Variants in UGT1A4 observed in about 807,000 individuals in gnomAD.
The protein encoded by UGT1A4 is UDP glucuronosyltransferase family 1 member A4, also known as UDP-glucuronosyltransferase 1A4.
A neutral mutation model predicts 41.1 loss-of-function variants in UGT1A4; 32 were observed. The ratio of observed to expected loss-of-function variants is 0.78; its 90% CI spans 0.59 to 1.05. UGT1A4 has a LOEUF of 1.05. Among genes scored for constraint, UGT1A4 ranks in the 50% least tolerant of loss-of-function variants. UGT1A4 has a pLI of 0.00. For missense variants in UGT1A4, 748 were observed against 677.4 expected (o/e 1.10, Z -1.16); for synonymous variants, 283 against 265.1 (o/e 1.07, Z -0.66).
chr2:233,725,967 A>G (rs2077486962), intron 1 of UGT1A4, among the ~76,000 whole-genome samples: 1 of 152,078 alleles, frequency 6.6e-6, no homozygotes, highest in Non-Finnish European at 1.5e-5. Flanking sequence ...GGAGTCTGAG[A>G]GCAGCCTGGG....
chr2:233,747,183 G>A (rs1016025766), intron 1 of UGT1A4: 1 of 1,602,336 alleles, frequency 6.2e-7, no homozygotes, highest in South Asian at 1.1e-5. Flanking sequence ...AGCGTGGGGT[G>A]GACAGTCAGC....
rs762367100 is a variant in UGT1A4 at position 233,719,280 on chromosome 2, G to A, written c.460G>A (p.Val154Ile). The part of the protein sequence containing the change: ...TSFDVVLTDP[V>I]NLCGAVLAKY... ...CTTTGATGTGGTTTTAACAGACCCC[G>A]TTAACCTCTGTGGGGCGGTGCTGGC... Residue 154 changes from valine (V) to isoleucine (I), a missense_variant, in exon 1 of 5, where the codon GTT (valine) becomes ATT (isoleucine). Val to Ile is a conservative substitution (Grantham distance 29, BLOSUM62 3). Transcript: ENST00000373409. The A allele has an allele frequency of 3.5e-5, 57 of 1,613,966 alleles. No homozygotes were observed. The highest frequency in any genetic ancestry group is 5.5e-5 in the South Asian group (5 of 91,068).
intron 1 of UGT1A4, among the ~76,000 whole-genome samples, chr2:233,727,909 C>T (rs1033821575): frequency 6.6e-6 from 1 of 152,200 alleles, no homozygotes; most frequent in Non-Finnish European, 1.5e-5. Context: ...CAAGAAGACA[C>T]AGGGGCAGTG....
chr2:233,749,668 C>T (rs1454528355), intron 1 of UGT1A4, among the ~76,000 whole-genome samples: 2 of 151,734 alleles, frequency 1.3e-5, no homozygotes, highest in Non-Finnish European at 2.9e-5. Flanking sequence ...CCCCATAATC[C>T]CCACGTGTCA....
At chr2:233,768,032 T>A in intron 3 of UGT1A4, 96 bp downstream of exon 3, 1 of 1,612,548 alleles carries the variant, frequency 6.2e-7, no homozygotes, top group Non-Finnish European at 8.5e-7. Flanking sequence ...AGCTTGAAAA[T>A]ATTATGGCCA....
chr2:233,724,072 G>A (rs1233032648), intron 1 of UGT1A4, among the ~76,000 whole-genome samples: 2 of 94,580 alleles, frequency 2.1e-5, no homozygotes, highest in African/African-American at 6.0e-5. Flanking sequence ...GGTGGTGGCC[G>A]GGCAGAGGGG....
intron 1 of UGT1A4, chr2:233,755,291 C>T (rs1483791202): frequency 1.2e-5 from 8 of 651,216 alleles, no homozygotes; most frequent in Non-Finnish European, 1.9e-5. Context: ...AAAGAGCCTG[C>T]GGGGCACTGG....
intron 1 of UGT1A4, chr2:233,743,993 G>C: frequency 7.9e-7 from 1 of 1,258,672 alleles, no homozygotes; most frequent in Non-Finnish European, 1.0e-6. Context: ...GCAGGCCCGA[G>C]TGCTCGGAGA....
chr2:233,740,736 C>T (rs1691460143), intron 1 of UGT1A4: 1 of 151,674 alleles, frequency 6.6e-6, no homozygotes, highest in African/African-American at 2.4e-5. Context: ...GGAAATGCCC[C>T]CTTTTACACT....
At position 233,738,235 on chromosome 2, in the gene UGT1A4, C is replaced by G. The variant is rs190187890; in HGVS notation, c.867+18548C>G. 1.4e-4 allele frequency among the ~76,000 whole-genome samples: 21 copies of G among 152,332 alleles called. No individual in the cohort carries two copies. In the East Asian group the frequency reaches 3.3e-3, roughly 24 times the overall value. ...GGATTATAAGTTTCCTGAGGCCCCTCCAGCCACATGGAACTGGAGTCAATT... is the reference window on the plus strand; with the variant it reads ...GGATTATAAGTTTCCTGAGGCCCCTGCAGCCACATGGAACTGGAGTCAATT... On this transcript the variant is annotated intron_variant, in intron 1 of 4. Coordinates refer to ENST00000373409, the MANE Select transcript of UGT1A4 (RefSeq NM_007120.3).
At chr2:233,739,807 G>T (rs527239626) in intron 1 of UGT1A4, among the ~76,000 whole-genome samples, 26 of 152,152 alleles carry the variant, frequency 1.7e-4, no homozygotes, top group African/African-American at 5.3e-4. Flanking sequence ...GGGAAGGCAT[G>T]ATTGGTTTTT....
At chr2:233,729,001 C>A in intron 1 of UGT1A4, 4 of 1,564,656 alleles carry the variant, frequency 2.6e-6, no homozygotes, top group Non-Finnish European at 3.5e-6. Flanking sequence ...TAGAGGAGGG[C>A]ACTCTGTCTT....
At chr2:233,761,315 C>T (rs1196056744) in intron 1 of UGT1A4, among the ~76,000 whole-genome samples, 1 of 152,360 alleles carries the variant, frequency 6.6e-6, no homozygotes, top group East Asian at 1.9e-4. Flanking sequence ...TCTTTGGCAT[C>T]ATCTTCTGGA....
intron 1 of UGT1A4, among the ~76,000 whole-genome samples, chr2:233,744,769 C>T (rs1692917146): frequency 6.6e-6 from 1 of 151,856 alleles, no homozygotes; most frequent in Non-Finnish European, 1.5e-5. Flanking sequence ...TTTAACTTTG[C>T]AAAATTCTCC....
chr2:233,743,267 C>T (rs1692250223), intron 1 of UGT1A4: 1 of 463,686 alleles, frequency 2.2e-6, no homozygotes, highest in Non-Finnish European at 4.0e-6. Flanking sequence ...TCTTCCTCCA[C>T]TTCCACCCTT....
chr2:233,756,399 T>G (rs189386635), intron 1 of UGT1A4: 1 of 152,208 alleles, frequency 6.6e-6, no homozygotes. Flanking sequence ...CAGTATTGGT[T>G]TTTTATTTGT....
chr2:233,749,952 C>T (rs1450236503), intron 1 of UGT1A4, among the ~76,000 whole-genome samples: 1 of 151,854 alleles, frequency 6.6e-6, no homozygotes, highest in Non-Finnish European at 1.5e-5. Flanking sequence ...ATTACCGAGT[C>T]TTGGGTATGT....
At chr2:233,756,500 A>G (rs976556517) in intron 1 of UGT1A4, 2 of 152,096 alleles carry the variant, frequency 1.3e-5, no homozygotes, top group East Asian at 1.9e-4. Context: ...GCCCAAGTAT[A>G]TGGAGGGTCA....
rs939309903 is a variant in UGT1A4, at chr2:233,740,736, CCT to C, written c.867+21050_867+21051del. ...CATCTTTGCACCACAGGAAATGCCC[CCT>C]TTTACACTCTGAAAACCTTATCAAA... On this transcript the variant is annotated intron_variant, in intron 1 of 4. Coordinates refer to ENST00000373409, the MANE Select transcript of UGT1A4 (RefSeq NM_007120.3). 6.7e-4 allele frequency: 101 copies of C among 151,790 alleles called. 3 individuals are homozygous for C. The highest frequency in any genetic ancestry group is 2.3e-3 in the African/African-American group (96 of 41,118). 9.4% of individuals were successfully genotyped at this position (151,790 alleles called of 1,614,324 possible).
Sources: allele counts gnomAD v4.1 joint callset (sites outside exome capture counted in the v4.1 genomes callset), GRCh38; gene constraint gnomAD v4.1.1; transcripts MANE v1.5; gene names NCBI Gene and HGNC (gene_info 2026-07-23, HGNC 2026-07-21).